Variants in DIAPH2 observed in about 807,000 individuals in gnomAD.
DIAPH2 encodes the protein diaphanous related formin 2, also known as protein diaphanous homolog 2.
DIAPH2 carries 35 observed loss-of-function variants against 92.7 expected under a neutral mutation model. That is an observed-to-expected ratio of 0.38 (90% CI 0.29 to 0.50). The LOEUF (loss-of-function observed/expected upper bound fraction) is 0.50, where lower values mean the gene tolerates loss of function less well. DIAPH2 is among the 20% of genes least tolerant of loss of function. The pLI is 0.94. For missense variants in DIAPH2, 701 were observed against 819.5 expected (o/e 0.86, Z 1.77); for synonymous variants, 301 against 280.4 (o/e 1.07, Z -0.73).
chrX:96,699,896 T>C (rs185658827), intron 1 of DIAPH2, among the ~76,000 whole-genome samples: 4 of 112,844 alleles, frequency 3.5e-5, no homozygotes, highest in East Asian at 2.8e-4. Context: ...AAGGAAAATA[T>C]TCATTTTCAT....
chrX:96,914,124 A>G (rs2065487232), intron 7 of DIAPH2, among the ~76,000 whole-genome samples: 1 of 111,132 alleles, frequency 9.0e-6, no homozygotes, highest in Admixed American at 9.6e-5. Flanking sequence ...ATAAGTATTT[A>G]TATATTATAC....
chrX:97,062,464 G>A (rs989653400), intron 17 of DIAPH2, among the ~76,000 whole-genome samples: 1 of 111,160 alleles, frequency 9.0e-6, no homozygotes, highest in African/African-American at 3.3e-5. Flanking sequence ...TAATTCAGTA[G>A]GTATGAGTGT....
intron 4 of DIAPH2, among the ~76,000 whole-genome samples, chrX:96,869,412 A>G (rs949671697): frequency 2.7e-5 from 3 of 110,564 alleles, no homozygotes; most frequent in African/African-American, 9.9e-5. Flanking sequence ...AAATACAAAA[A>G]TTAGCTGGGC....
chrX:96,908,167 G>A (rs922608770), intron 5 of DIAPH2, among the ~76,000 whole-genome samples: 5 of 111,326 alleles, frequency 4.5e-5, no homozygotes, highest in South Asian at 3.8e-4. Context: ...TGATGAAAAC[G>A]TTTTATATCT....
intron 17 of DIAPH2, among the ~76,000 whole-genome samples, chrX:97,028,191 G>A (rs746816020): frequency 2.7e-5 from 3 of 109,946 alleles, no homozygotes; most frequent in African/African-American, 6.6e-5. Context: ...TATTATTTTC[G>A]TGGCCAATCA....
chrX:96,973,576 CATA>C (rs1051316633), intron 17 of DIAPH2, among the ~76,000 whole-genome samples: 1 of 109,946 alleles, frequency 9.1e-6, no homozygotes, highest in African/African-American at 3.3e-5. Context: ...TTTGCATCAA[CATA>C]ATATTTAGGT....
chrX:97,398,958 G>C (rs60486549), intron 25 of DIAPH2, among the ~76,000 whole-genome samples: 1,728 of 110,375 alleles, frequency 0.016, 32 homozygotes, highest in African/African-American at 0.054. Context: ...TCTTGGCCAG[G>C]CTGGTCTTGA....
chrX:96,986,076 A>C (rs2066029928), intron 17 of DIAPH2, among the ~76,000 whole-genome samples: 1 of 111,637 alleles, frequency 9.0e-6, no homozygotes, highest in Admixed American at 9.5e-5. Context: ...TTTTATAATA[A>C]TTTTTGTCAA....
At chrX:96,787,282 G>A (rs985725966) in intron 4 of DIAPH2, among the ~76,000 whole-genome samples, 3 of 111,193 alleles carry the variant, frequency 2.7e-5, no homozygotes, top group African/African-American at 9.8e-5. Context: ...ATTAGTTTCA[G>A]GTAATTTAAA....
intron 22 of DIAPH2, among the ~76,000 whole-genome samples, chrX:97,190,974 C>T (rs1204812125): frequency 9.0e-6 from 1 of 110,588 alleles, no homozygotes; most frequent in Non-Finnish European, 1.9e-5. Context: ...CTTTCCCCAC[C>T]TAATTCTGTG....
chrX:97,448,468 G>A (rs1416994557), intron 26 of DIAPH2, among the ~76,000 whole-genome samples: 2 of 111,268 alleles, frequency 1.8e-5, no homozygotes, highest in Non-Finnish European at 3.8e-5. Context: ...TTATATTACC[G>A]ACTACCTGCC....
intron 15 of DIAPH2, among the ~76,000 whole-genome samples, chrX:96,953,104 G>A (rs1280451030): frequency 1.8e-5 from 2 of 111,657 alleles, no homozygotes; most frequent in Non-Finnish European, 3.8e-5. Flanking sequence ...GTGCAAGAGC[G>A]AGACTGTCTC....
At chrX:97,225,896 T>C (rs5921638) in intron 22 of DIAPH2, among the ~76,000 whole-genome samples, 2,653 of 112,046 alleles carry the variant, frequency 0.024, 31 homozygotes, top group Middle Eastern at 0.041. Flanking sequence ...GCAATCTTAA[T>C]TTTAACATCA....
chrX:97,384,160 T>C (rs1442330109), intron 25 of DIAPH2, 116 bp downstream of exon 25: 2 of 632,621 alleles, frequency 3.2e-6, no homozygotes, highest in Admixed American at 3.9e-5. Flanking sequence ...TATTAGTTAC[T>C]TGTGCTAAAT....
chrX:97,592,466 A>G (rs2071524017), intron 26 of DIAPH2, among the ~76,000 whole-genome samples: 1 of 112,146 alleles, frequency 8.9e-6, no homozygotes, highest in South Asian at 3.7e-4. Flanking sequence ...TACTGAATTA[A>G]TAAATCCATT....
chrX:97,319,349 T>C (rs1001079882), intron 23 of DIAPH2, among the ~76,000 whole-genome samples: 9 of 111,784 alleles, frequency 8.1e-5, no homozygotes, highest in East Asian at 2.8e-4. Flanking sequence ...TTAACTCTTA[T>C]AGAGAATCAG....
chrX:96,891,985 T>A (rs2065310330), intron 5 of DIAPH2, among the ~76,000 whole-genome samples: 1 of 112,422 alleles, frequency 8.9e-6, no homozygotes, highest in Non-Finnish European at 1.9e-5. Context: ...TTTAAACATA[T>A]TTTTCTAGTG....
intron 22 of DIAPH2, among the ~76,000 whole-genome samples, chrX:97,168,698 G>T (rs1336667039): frequency 3.6e-5 from 4 of 111,551 alleles, no homozygotes; most frequent in Non-Finnish European, 7.5e-5. Context: ...CTATAGACTG[G>T]GTGGCTTAAA....
chrX:97,500,526 T>C (rs1249089952), intron 26 of DIAPH2, among the ~76,000 whole-genome samples: 5 of 109,904 alleles, frequency 4.5e-5, no homozygotes. Flanking sequence ...TCTCCAACAT[T>C]GTCCTTATTG....
Sources: gnomAD v4.1 joint callset for allele counts (sites outside exome capture counted in the v4.1 genomes callset) on GRCh38, gnomAD v4.1.1 for gene constraint, MANE v1.5 for transcripts, NCBI Gene and HGNC (gene_info 2026-07-23, HGNC 2026-07-21) for gene names.